PEPD: variants seen among roughly 807,000 people sequenced by gnomAD.
The protein encoded by PEPD is peptidase D, also known as xaa-Pro dipeptidase.
In PEPD, 53 loss-of-function variants were observed where a neutral mutation model predicts 60.7. The observed-to-expected ratio is 0.87, with a 90% CI of 0.70 to 1.10. The LOEUF (loss-of-function observed/expected upper bound fraction) is 1.10, where lower values mean the gene tolerates loss of function less well. Among genes scored for constraint, PEPD ranks in the 50% least tolerant of loss-of-function variants. The probability of loss-of-function intolerance (pLI) is 0.00; values close to 1 mark genes in which losing one functional copy is unlikely to be tolerated. For missense variants in PEPD, 711 were observed against 711.9 expected (o/e 1.00, Z 0.01); for synonymous variants, 267 against 284.1 (o/e 0.94, Z 0.60).
chr19:33,493,931 G>T (rs1333024280), intron 4 of PEPD, among the ~76,000 whole-genome samples: 2 of 152,182 alleles, frequency 1.3e-5, no homozygotes. Flanking sequence ...TGCCGGGCCA[G>T]CTCCTCTCTC....
At position 33,413,562 on chromosome 19, in the gene PEPD, G is replaced by A. The variant is rs781527764; in HGVS notation, c.740+13C>T. 1.3e-6 allele frequency: 2 copies of A among 1,524,542 alleles called. No individual in the cohort carries two copies. The highest frequency in any genetic ancestry group is 1.8e-6 in the Non-Finnish European group (2 of 1,119,632). 94.4% of individuals were successfully genotyped at this position (1,524,542 alleles called of 1,614,324 possible). A position where few individuals can be genotyped will look rare whatever the true frequency, so the allele number is the denominator to read the frequency against. ...ACTGGTCACCCCCAGGGGAGCCAGG[G>A]TGCCCCGCTTACCTGCCGCAGATGC... On this transcript the variant is annotated intron_variant, in intron 10 of 14. Transcript: ENST00000244137.
At chr19:33,402,041 C>G (rs1042218306) in intron 11 of PEPD, among the ~76,000 whole-genome samples, 172 bp from the exon 12 acceptor site, 1 of 152,104 alleles carries the variant, frequency 6.6e-6, no homozygotes, top group Non-Finnish European at 1.5e-5. Context: ...CCCACGGGTG[C>G]GTGGGCAGCA....
At chr19:33,518,940 G>A (rs1971078717) in intron 1 of PEPD, among the ~76,000 whole-genome samples, 1 of 152,170 alleles carries the variant, frequency 6.6e-6, no homozygotes, top group South Asian at 2.1e-4. Context: ...CTGCAAATAC[G>A]TGAAGAATCA....
intron 10 of PEPD, among the ~76,000 whole-genome samples, chr19:33,413,258 G>A (rs1034718756): frequency 2.6e-5 from 4 of 152,256 alleles, no homozygotes; most frequent in Non-Finnish European, 5.9e-5. Flanking sequence ...GTGTGCCCGT[G>A]TGGAGGAGTG....
At chr19:33,445,327 C>T (rs1969571644) in intron 9 of PEPD, among the ~76,000 whole-genome samples, 1 of 152,184 alleles carries the variant, frequency 6.6e-6, no homozygotes, top group Non-Finnish European at 1.5e-5. Flanking sequence ...TTTTAATCAG[C>T]TCAACAGTGT....
chr19:33,426,769 C>T (rs982796917), intron 9 of PEPD, among the ~76,000 whole-genome samples: 4 of 152,252 alleles, frequency 2.6e-5, no homozygotes, highest in Admixed American at 2.0e-4. Context: ...TGGGTCACTG[C>T]AGCCCCAGAT....
intron 4 of PEPD, among the ~76,000 whole-genome samples, chr19:33,500,513 A>G (rs1970687031): frequency 6.6e-6 from 1 of 152,026 alleles, no homozygotes; most frequent in African/African-American, 2.4e-5. Flanking sequence ...CTCCAATGCT[A>G]CTCTACAAGC....
chr19:33,520,342 T>G (rs33841), intron 1 of PEPD, among the ~76,000 whole-genome samples: 73,181 of 152,054 alleles, frequency 0.48, 19,058 homozygotes, highest in South Asian at 0.66. Flanking sequence ...CCTGAGTTCC[T>G]TGACACCCAT....
intron 9 of PEPD, among the ~76,000 whole-genome samples, chr19:33,416,590 C>T (rs567240187): frequency 1.2e-4 from 19 of 152,352 alleles, no homozygotes; most frequent in Admixed American, 2.6e-4. Context: ...TCAAGCCCAG[C>T]GCGCACCTCC....
intron 9 of PEPD, among the ~76,000 whole-genome samples, chr19:33,435,793 G>A (rs1969364814): frequency 1.3e-5 from 2 of 152,018 alleles, no homozygotes; most frequent in African/African-American, 2.4e-5. Context: ...CCCAACCCAC[G>A]CTCCCATGGC....
intron 9 of PEPD, among the ~76,000 whole-genome samples, chr19:33,435,120 C>G (rs1969350297): frequency 6.6e-6 from 1 of 152,160 alleles, no homozygotes; most frequent in Admixed American, 6.5e-5. Context: ...ACGGTAGCTC[C>G]CTCATCCATC....
At position 33,412,622 on chromosome 19, in the gene PEPD, C is replaced by T. The variant is rs1006203393; in HGVS notation, c.741-873G>A. ...CCAAAGGGGGGAAGGAAACCCCCAC[C>T]TGGGTGTAATATTTATGGCCCTGCT... On this transcript the variant is annotated intron_variant, in intron 10 of 14. Coordinates refer to ENST00000244137, the MANE Select transcript of PEPD (RefSeq NM_000285.4). Among the ~76,000 whole-genome samples the T allele has an allele frequency of 1.2e-4, 19 of 152,232 alleles. 1 individual carries two copies. The highest frequency in any genetic ancestry group is 4.6e-4 in the African/African-American group (19 of 41,458).
Position 33,387,234 on chromosome 19 carries a change from C to T in PEPD, c.*110G>A. ...TCTGATCAAATGCCGAAGCTGGGAT[C>T]TGATTCTGGGTGCCGTCTCTCGCTA... On this transcript the variant is annotated 3_prime_UTR_variant, in exon 15 of 15. Transcript: ENST00000244137. 7.6e-7 allele frequency: 1 copy of T among 1,312,444 alleles called. No homozygotes were observed. The highest frequency in any genetic ancestry group is 2.3e-5 in the East Asian group (1 of 43,140). The allele number at this position is 1,312,444 out of a possible 1,614,324, so 81.3% of individuals were successfully genotyped here.
At chr19:33,499,512 A>G (rs957504570) in intron 4 of PEPD, among the ~76,000 whole-genome samples, 3 of 152,210 alleles carry the variant, frequency 2.0e-5, no homozygotes, top group African/African-American at 7.2e-5. Flanking sequence ...GGGACTGGGC[A>G]GGGAAAGAGT....
At chr19:33,454,516 C>A (rs1730225611) in intron 9 of PEPD, among the ~76,000 whole-genome samples, 1 of 151,794 alleles carries the variant, frequency 6.6e-6, no homozygotes, top group Non-Finnish European at 1.5e-5. Context: ...GCAGGAGAAT[C>A]ATTTGAGCCC....
chr19:33,406,703 C>G (rs1968633546), intron 11 of PEPD, among the ~76,000 whole-genome samples: 1 of 152,224 alleles, frequency 6.6e-6, no homozygotes, highest in African/African-American at 2.4e-5. Context: ...GCGATGGTGG[C>G]AGACAGACTC....
At chr19:33,428,534 C>A (rs574092413) in intron 9 of PEPD, among the ~76,000 whole-genome samples, 9 of 149,902 alleles carry the variant, frequency 6.0e-5, no homozygotes, top group Admixed American at 1.3e-4. Flanking sequence ...AGGATGTCCA[C>A]GCTCCACCTC....
At chr19:33,496,270 G>A (rs1330809574) in intron 4 of PEPD, among the ~76,000 whole-genome samples, 1 of 152,146 alleles carries the variant, frequency 6.6e-6, no homozygotes, top group East Asian at 1.9e-4. Context: ...TTTTCTCCGG[G>A]CGACGACTCT....
intron 9 of PEPD, among the ~76,000 whole-genome samples, chr19:33,448,581 G>A (rs187701634): frequency 2.0e-4 from 31 of 151,986 alleles, no homozygotes; most frequent in African/African-American, 7.5e-4. Context: ...TGACCCTTTC[G>A]ACTATCTTTT....
Sources: allele counts gnomAD v4.1 joint callset (sites outside exome capture counted in the v4.1 genomes callset), GRCh38; gene constraint gnomAD v4.1.1; transcripts MANE v1.5; gene names NCBI Gene and HGNC (gene_info 2026-07-23, HGNC 2026-07-21).